Variants in TMEM135 observed in about 807,000 individuals in gnomAD.
TMEM135 encodes transmembrane protein 135.
Under a neutral mutation model 60.3 loss-of-function variants are expected in TMEM135, and 30 were observed. That is an observed-to-expected ratio of 0.50 (90% confidence interval 0.37 to 0.68). TMEM135 has a LOEUF of 0.68. TMEM135 is among the 30% of genes least tolerant of loss of function. The pLI is 0.00. For missense variants in TMEM135, 468 were observed against 548.8 expected (o/e 0.85, Z 1.47); for synonymous variants, 190 against 186.7 (o/e 1.02, Z -0.14).
intron 5 of TMEM135, among the ~76,000 whole-genome samples, chr11:87,220,090 T>C (rs185289397): frequency 1.2e-4 from 18 of 152,288 alleles, no homozygotes; most frequent in African/African-American, 3.8e-4. Context: ...CCACTTTCCT[T>C]TATATAAAAA....
At chr11:87,091,217 C>T (rs557888875) in intron 3 of TMEM135, 145 bp from the exon 4 acceptor site, 128 of 636,214 alleles carry the variant, frequency 2.0e-4, no homozygotes, top group Non-Finnish European at 2.7e-4. Flanking sequence ...GAAATTAGTT[C>T]GGCATAATTT....
intron 5 of TMEM135, among the ~76,000 whole-genome samples, chr11:87,195,344 T>C (rs1315461784): frequency 8.8e-6 from 1 of 113,118 alleles, no homozygotes; most frequent in Non-Finnish European, 2.0e-5. Flanking sequence ...CTTCCTTCCT[T>C]CCTTCCTTCC....
chr11:87,080,613 A>G (rs1372263056), intron 3 of TMEM135, among the ~76,000 whole-genome samples: 1 of 152,098 alleles, frequency 6.6e-6, no homozygotes, highest in African/African-American at 2.4e-5. Flanking sequence ...GATGAATTGA[A>G]CCTTTTATCC....
intron 5 of TMEM135, among the ~76,000 whole-genome samples, chr11:87,221,201 C>A (rs990413946): frequency 7.9e-5 from 12 of 152,086 alleles, no homozygotes; most frequent in African/African-American, 2.9e-4. Context: ...AATTGAGGGG[C>A]TAAAATACCA....
At chr11:87,057,088 G>C (rs1211782208) in intron 1 of TMEM135, among the ~76,000 whole-genome samples, 2 of 152,082 alleles carry the variant, frequency 1.3e-5, no homozygotes, top group Non-Finnish European at 2.9e-5. Flanking sequence ...AAAAATATTG[G>C]TATTACTCAG....
At position 87,054,812 on chromosome 11, in the gene TMEM135, C is replaced by T. The variant is rs566327116; in HGVS notation, c.142-12882C>T. On this transcript the variant is annotated intron_variant, in intron 1 of 14. Coordinates refer to ENST00000305494, the MANE Select transcript of TMEM135 (RefSeq NM_022918.4). ...ATGGGACAATTTTTTTTTTCAGACCCGTATGTCAGAAACTCTCAAGCACAG... is the reference window on the plus strand; with the variant it reads ...ATGGGACAATTTTTTTTTTCAGACCTGTATGTCAGAAACTCTCAAGCACAG... 5.5e-4 allele frequency among the ~76,000 whole-genome samples: 83 copies of T among 151,894 alleles called. 1 individual carries two copies. The highest frequency in any genetic ancestry group is 7.9e-4 in the Admixed American group (12 of 15,264).
chr11:87,157,893 C>G (rs767654792), intron 5 of TMEM135: 30 of 154,956 alleles, frequency 1.9e-4, no homozygotes, highest in Non-Finnish European at 3.4e-4. Flanking sequence ...TAAAATGCTC[C>G]TGTCAATCCT....
chr11:87,327,984 C>T lies in TMEM135; in HGVS notation c.*6651C>T, dbSNP rs929651467. On this transcript the variant is annotated 3_prime_UTR_variant, in exon 15 of 15. Coordinates refer to ENST00000305494, the MANE Select transcript of TMEM135 (RefSeq NM_022918.4). ...ATCTTCTCTGCCTAGTCCACGCTAA[C>T]TCACATGCCAATCTCCTCTGGAAAC... 4.4e-6 allele frequency: 2 copies of T among 453,950 alleles called. No individual in the cohort carries two copies. The highest frequency in any genetic ancestry group is 4.0e-5 in the African/African-American group (2 of 49,988). 28.1% of individuals were successfully genotyped at this position (453,950 alleles called of 1,614,324 possible).
chr11:87,161,987 A>G (rs1017012753), intron 5 of TMEM135, among the ~76,000 whole-genome samples: 6 of 152,168 alleles, frequency 3.9e-5, no homozygotes, highest in Non-Finnish European at 7.4e-5. Context: ...GGGAGCTTAT[A>G]ATCTAGCCTA....
At chr11:87,210,699 A>C (rs1240057568) in intron 5 of TMEM135, among the ~76,000 whole-genome samples, 2 of 152,184 alleles carry the variant, frequency 1.3e-5, no homozygotes, top group Non-Finnish European at 2.9e-5. Context: ...GCAACAAAAA[A>C]GGAAAACTTA....
chr11:87,125,828 A>G (rs1276464242), intron 4 of TMEM135, among the ~76,000 whole-genome samples: 1 of 152,216 alleles, frequency 6.6e-6, no homozygotes, highest in Non-Finnish European at 1.5e-5. Flanking sequence ...AGAGCTCTAG[A>G]AAATTTACAT....
At chr11:87,278,620 C>T (rs993889980) in intron 6 of TMEM135, among the ~76,000 whole-genome samples, 3 of 152,012 alleles carry the variant, frequency 2.0e-5, no homozygotes, top group East Asian at 1.9e-4. Flanking sequence ...GTGATCTGCC[C>T]GATTCGGTCT....
chr11:87,244,788 T>A (rs532081314), intron 6 of TMEM135, among the ~76,000 whole-genome samples: 1 of 130,374 alleles, frequency 7.7e-6, no homozygotes, highest in East Asian at 2.0e-4. Context: ...TTTTTGATCC[T>A]TTCAAAGAAC....
intron 6 of TMEM135, among the ~76,000 whole-genome samples, chr11:87,275,373 C>T (rs111229578): frequency 2.0e-5 from 3 of 152,044 alleles, no homozygotes; most frequent in African/African-American, 7.2e-5. Flanking sequence ...TTCTTGAGAC[C>T]AAAGCCTGCC....
chr11:87,235,953 A>C (rs1490493774), intron 5 of TMEM135, among the ~76,000 whole-genome samples: 1 of 151,804 alleles, frequency 6.6e-6, no homozygotes, highest in Non-Finnish European at 1.5e-5. Flanking sequence ...AGCTTTTCTT[A>C]TTGATTAGAA....
rs934378357 is a variant in TMEM135, at chr11:87,326,834, C to T, written c.*5501C>T. 4.4e-6 allele frequency: 2 copies of T among 450,950 alleles called. No homozygotes were observed. The highest frequency in any genetic ancestry group is 4.0e-5 in the African/African-American group (2 of 49,504). The allele number at this position is 450,950 out of a possible 1,614,324, so 27.9% of individuals were successfully genotyped here. A position where few individuals can be genotyped will look rare whatever the true frequency, so the allele number is the denominator to read the frequency against. On this transcript the variant is annotated 3_prime_UTR_variant, in exon 15 of 15. Coordinates refer to ENST00000305494, the MANE Select transcript of TMEM135 (RefSeq NM_022918.4). ...AGCCTGTCACTGCTCAGGGATAGCACTAAGGCTCTCTTCAGAACCAAAGGG... is the reference window on the plus strand; with the variant it reads ...AGCCTGTCACTGCTCAGGGATAGCATTAAGGCTCTCTTCAGAACCAAAGGG...
intron 6 of TMEM135, among the ~76,000 whole-genome samples, chr11:87,258,622 A>G (rs553180660): frequency 1.3e-5 from 2 of 152,278 alleles, no homozygotes; most frequent in East Asian, 1.9e-4. Flanking sequence ...AACCATTTGC[A>G]TGGCTGCACT....
chr11:87,294,540 C>T (rs760844100), intron 6 of TMEM135, among the ~76,000 whole-genome samples: 3 of 152,176 alleles, frequency 2.0e-5, no homozygotes, highest in Admixed American at 6.5e-5. Flanking sequence ...TGTGCCACCA[C>T]GCCCGGCTAA....
In TMEM135 at chr11:87,324,399, G is replaced by A. The variant is rs1038853129; in HGVS notation, c.*3066G>A. 2 of 453,942 alleles carry A rather than the reference G, an allele frequency of 4.4e-6. No homozygotes were observed. Among genetic ancestry groups the A allele is most frequent in the Admixed American group, 2.4e-5 (1 of 42,540 alleles). 28.1% of individuals were successfully genotyped at this position (453,942 alleles called of 1,614,324 possible). ...GGAGCAGAGAAATTATTAGCCCAGAGATTCCTTAAATTCTCCGTGTGATTT... is the reference window on the plus strand; with the variant it reads ...GGAGCAGAGAAATTATTAGCCCAGAAATTCCTTAAATTCTCCGTGTGATTT... On this transcript the variant is annotated 3_prime_UTR_variant, in exon 15 of 15. Transcript: ENST00000305494.
Sources: allele counts gnomAD v4.1 joint callset (sites outside exome capture counted in the v4.1 genomes callset), GRCh38; gene constraint gnomAD v4.1.1; transcripts MANE v1.5; gene names NCBI Gene and HGNC (gene_info 2026-07-23, HGNC 2026-07-21).